Variants in SGPL1 observed in about 807,000 individuals in gnomAD.
SGPL1 encodes the protein sphingosine-1-phosphate lyase 1.
Under a neutral mutation model 68.9 loss-of-function variants are expected in SGPL1, and 37 were observed. The ratio of observed to expected loss-of-function variants is 0.54; its 90% CI spans 0.41 to 0.71. SGPL1 has a LOEUF of 0.71. Among genes scored for constraint, SGPL1 ranks in the 30% least tolerant of loss-of-function variants. SGPL1 has a pLI of 0.00. For missense variants in SGPL1, 551 were observed against 704.6 expected, an observed-to-expected ratio of 0.78 and a Z score of 2.47; for synonymous variants, 236 against 248.5, an observed-to-expected ratio of 0.95 and a Z score of 0.47.
chr10:70,871,836 G>A lies in SGPL1; in HGVS notation c.910-1G>A. 6.2e-7 allele frequency: 1 copy of A among 1,611,972 alleles called. No homozygotes were observed. The highest frequency in any genetic ancestry group is 8.5e-7 in the Non-Finnish European group (1 of 1,179,290). On this transcript the variant is annotated splice_acceptor_variant, in intron 10 of 14. Coordinates refer to ENST00000373202, the MANE Select transcript of SGPL1 (RefSeq NM_003901.4). LOFTEE classifies it high-confidence loss of function. ...TTATGTTCTTTGTTTTTTGGAACAA[G>A]CTGGCTGTCAAATACAAAATACCCC...
rs1846471754 is a variant in SGPL1 at position 70,879,943 on chromosome 10, T to C, written c.*2608T>C. 1 of 152,656 alleles carries C rather than the reference T, an allele frequency of 6.6e-6. No individual in the cohort carries two copies. Among genetic ancestry groups the C allele is most frequent in the African/African-American group, 2.4e-5 (1 of 41,454 alleles). The allele number at this position is 152,656 out of a possible 1,614,324, so 9.5% of individuals were successfully genotyped here. A position where few individuals can be genotyped will look rare whatever the true frequency, so the allele number is the denominator to read the frequency against. On this transcript the variant is annotated 3_prime_UTR_variant, in exon 15 of 15. Transcript: ENST00000373202. ...TTAGACTTAAGTAGTCATGTGAATA[T>C]ACTGCTATGTCACTTTTAATATTAC... is the stretch of plus-strand genomic sequence containing the variant.
intron 13 of SGPL1, 144 bp from the exon 14 acceptor site, chr10:70,876,397 C>T: frequency 1.4e-6 from 1 of 703,964 alleles, no homozygotes; most frequent in Non-Finnish European, 2.3e-6. Flanking sequence ...CCGAGATTCC[C>T]AGGACTAGGA....
chr10:70,863,470 A>G (rs1320640170), intron 7 of SGPL1, among the ~76,000 whole-genome samples: 2 of 151,084 alleles, frequency 1.3e-5, no homozygotes, highest in African/African-American at 2.4e-5. Flanking sequence ...TTGTTTCCTT[A>G]TATTTGTGAT....
At chr10:70,821,884 G>A (rs1447540198) in intron 2 of SGPL1, among the ~76,000 whole-genome samples, 1 of 152,178 alleles carries the variant, frequency 6.6e-6, no homozygotes, top group Non-Finnish European at 1.5e-5. Context: ...ATATATTGGA[G>A]ATGGTGCAGC....
chr10:70,841,646 G>C lies in SGPL1; in HGVS notation c.28-2827G>C, dbSNP rs527393085. ...AGGCTCCCTCTTCCTCCTACCATCA[G>C]CTTGAGGGTTAGATTTCAACATATG... On this transcript the variant is annotated intron_variant, in intron 2 of 14. Coordinates refer to ENST00000373202, the MANE Select transcript of SGPL1 (RefSeq NM_003901.4). Among the ~76,000 whole-genome samples, 5 of 152,182 alleles carry C rather than the reference G, an allele frequency of 3.3e-5. No individual in the cohort carries two copies. In the South Asian group the frequency reaches 1.0e-3, roughly 32 times the overall value.
At chr10:70,831,332 C>T (rs1237201343) in intron 2 of SGPL1, among the ~76,000 whole-genome samples, 1 of 152,142 alleles carries the variant, frequency 6.6e-6, no homozygotes, top group African/African-American at 2.4e-5. Flanking sequence ...TCAATTCTGA[C>T]ACTGTCTACC....
intron 2 of SGPL1, among the ~76,000 whole-genome samples, chr10:70,843,950 A>C (rs28604340): frequency 0.076 from 11,611 of 152,338 alleles, 605 homozygotes; most frequent in African/African-American, 0.12. Flanking sequence ...TGTTTACACA[A>C]TAACTGACTA....
At chr10:70,875,945 A>G (rs1846377073) in intron 13 of SGPL1, among the ~76,000 whole-genome samples, 1 of 152,124 alleles carries the variant, frequency 6.6e-6, no homozygotes, top group Non-Finnish European at 1.5e-5. Flanking sequence ...TCTTTATTAG[A>G]CTTTTCTAAC....
At position 70,862,901 on chromosome 10, in the gene SGPL1, G is replaced by A. The variant is rs541882046; in HGVS notation, c.615+3402G>A. Among the ~76,000 whole-genome samples, 40 of 152,278 alleles carry A rather than the reference G, an allele frequency of 2.6e-4. No homozygotes were observed. The South Asian group carries it at 3.7e-3, about 14-fold the overall frequency. On this transcript the variant is annotated intron_variant, in intron 7 of 14. Coordinates refer to ENST00000373202, the MANE Select transcript of SGPL1 (RefSeq NM_003901.4). Reference sequence around the variant, plus strand: ...GTGAGACCAAGAACCCACCAATTCCGGACACAGTAGAAGCCCATTGGGCTT... The same window carrying A: ...GTGAGACCAAGAACCCACCAATTCCAGACACAGTAGAAGCCCATTGGGCTT...
intron 2 of SGPL1, among the ~76,000 whole-genome samples, chr10:70,843,247 A>T (rs1204171908): frequency 1.3e-5 from 2 of 150,212 alleles, no homozygotes; most frequent in Non-Finnish European, 3.0e-5. Flanking sequence ...TTGTTTGTAT[A>T]TGTATGTGCC....
rs1470405467 is a variant in SGPL1 at position 70,878,460 on chromosome 10, C to G, written c.*1125C>G. The G allele has an allele frequency of 6.6e-6, 1 of 152,202 alleles. No homozygotes were observed. Among genetic ancestry groups the G allele is most frequent in the Non-Finnish European group, 1.5e-5 (1 of 68,054 alleles). 9.4% of individuals were successfully genotyped at this position (152,202 alleles called of 1,614,324 possible). On this transcript the variant is annotated 3_prime_UTR_variant, in exon 15 of 15. Transcript: ENST00000373202. The stretch of plus-strand genomic sequence containing the variant: ...CCATGGTGCCGCCTTCCTGAATTGG[C>G]AGTGGTCAGAGCACACCTGAACCCT...
At chr10:70,857,582 TTA>T (rs1375696509) in intron 5 of SGPL1, 30 bp from the exon 6 acceptor site, 13 of 1,566,450 alleles carry the variant, frequency 8.3e-6, no homozygotes, top group African/African-American at 2.7e-5. Flanking sequence ...AGATTCTTGC[TTA>T]CTGACCAGTG....
intron 2 of SGPL1, among the ~76,000 whole-genome samples, chr10:70,842,601 G>A (rs984863413): frequency 7.9e-5 from 12 of 152,120 alleles, no homozygotes; most frequent in Admixed American, 2.6e-4. Context: ...AAGAGTGAGA[G>A]CAAGAAAGAG....
At chr10:70,836,073 C>T (rs531169424) in intron 2 of SGPL1, among the ~76,000 whole-genome samples, 1 of 152,346 alleles carries the variant, frequency 6.6e-6, no homozygotes, top group South Asian at 2.1e-4. Flanking sequence ...CAGTAATCCA[C>T]TGAGCAAAAT....
chr10:70,851,251 A>C (rs1023828166), intron 4 of SGPL1, 41 bp downstream of exon 4: 1 of 1,445,070 alleles, frequency 6.9e-7, no homozygotes, highest in Non-Finnish European at 9.7e-7. Flanking sequence ...CCCTCTTGAT[A>C]ATCATACCTC....
intron 2 of SGPL1, among the ~76,000 whole-genome samples, chr10:70,818,397 T>TA (rs1845278110): frequency 6.6e-6 from 1 of 152,210 alleles, no homozygotes; most frequent in Non-Finnish European, 1.5e-5. Context: ...TGGGATTACT[T>TA]ACAGGCGTGA....
chr10:70,833,217 A>G (rs1322816629), intron 2 of SGPL1, among the ~76,000 whole-genome samples: 1 of 152,226 alleles, frequency 6.6e-6, no homozygotes, highest in Non-Finnish European at 1.5e-5. Context: ...AGTGTATAGC[A>G]GTTGGTGCTT....
At chr10:70,863,247 A>G (rs1382755758) in intron 7 of SGPL1, among the ~76,000 whole-genome samples, 1 of 149,840 alleles carries the variant, frequency 6.7e-6, no homozygotes. Flanking sequence ...TTGGCTTCTC[A>G]AAGTGCTGGG....
rs1389203116 is a variant in SGPL1 at position 70,860,497 on chromosome 10, A to G, written c.615+998A>G. 3 of 453,310 alleles carry G rather than the reference A, an allele frequency of 6.6e-6. No individual in the cohort carries two copies. In the East Asian group the frequency reaches 2.1e-4, roughly 32 times the overall value. The allele number at this position is 453,310 out of a possible 1,614,324, so 28.1% of individuals were successfully genotyped here. On this transcript the variant is annotated intron_variant, in intron 7 of 14. Transcript: ENST00000373202. Reference sequence around the variant, plus strand: ...GTGATATGCCTGGCATTCATTTTCAAAGCAAAATACTGAAACTGTTAAAAA... The same window carrying G: ...GTGATATGCCTGGCATTCATTTTCAGAGCAAAATACTGAAACTGTTAAAAA...
Sources: allele counts gnomAD v4.1 joint callset (sites outside exome capture counted in the v4.1 genomes callset), GRCh38; gene constraint gnomAD v4.1.1; transcripts MANE v1.5; gene names NCBI Gene and HGNC (gene_info 2026-07-23, HGNC 2026-07-21).